The following GMFB variants were observed in gnomAD, a reference collection of about 807,000 sequenced individuals.
The protein encoded by GMFB is GMF-beta.
GMFB carries 13 observed loss-of-function variants against 25.6 expected under a neutral mutation model. That is an observed-to-expected ratio of 0.51 (90% CI 0.33 to 0.81). GMFB has a LOEUF of 0.81. Ranked by LOEUF, GMFB falls within the 30% of genes least tolerant of loss-of-function variation. The pLI is 0.02. For missense variants in GMFB, 146 were observed against 175.4 expected (o/e 0.83, Z 0.95); for synonymous variants, 57 against 56.9 (o/e 1.00, Z 0.00).
chr14:54,474,633 G>C lies in GMFB; in HGVS notation c.*3455C>G, dbSNP rs577989901. On this transcript the variant is annotated 3_prime_UTR_variant, in exon 7 of 7. Transcript: ENST00000358056. ...TTGTTGGTTTTGTTAAACGATGACA[G>C]AGAACTGTTAAAATTCACAAGACTA... is the stretch of plus-strand genomic sequence containing the variant. 1 of 152,772 alleles carries C rather than the reference G, an allele frequency of 6.5e-6. No homozygotes were observed. Among genetic ancestry groups the C allele is most frequent in the South Asian group, 2.1e-4 (1 of 4,832 alleles). 9.5% of individuals were successfully genotyped at this position (152,772 alleles called of 1,614,324 possible). A position where few individuals can be genotyped will look rare whatever the true frequency, so the allele number is the denominator to read the frequency against.
rs1336399791 is a variant in GMFB at position 54,476,063 on chromosome 14, C to T, written c.*2025G>A. On this transcript the variant is annotated 3_prime_UTR_variant, in exon 7 of 7. Transcript: ENST00000358056. Reference sequence around the variant, plus strand: ...GGACAGATGGAATAAAAATGTCCTACTGATCCTCTAACCTCAATCTGTTGT... The same window carrying T: ...GGACAGATGGAATAAAAATGTCCTATTGATCCTCTAACCTCAATCTGTTGT... 6.6e-6 allele frequency: 1 copy of T among 152,040 alleles called. No homozygotes were observed. Among genetic ancestry groups the T allele is most frequent in the East Asian group, 1.9e-4 (1 of 5,204 alleles). The allele number at this position is 152,040 out of a possible 1,614,324, so 9.4% of individuals were successfully genotyped here. A position where few individuals can be genotyped will look rare whatever the true frequency, so the allele number is the denominator to read the frequency against.
rs552193369 is a variant in GMFB, at chr14:54,488,704, C to G, written c.3+221G>C. On this transcript the variant is annotated intron_variant, in intron 1 of 6. Transcript: ENST00000358056. ...CACCCTAGTCCCATGGCCCGCTGGG[C>G]GGGTCCACCCCGGGCCCAGCTGGAA... The G allele has an allele frequency of 1.4e-5, 7 of 488,924 alleles. No homozygotes were observed. The South Asian group carries it at 1.9e-4, about 13-fold the overall frequency. The allele number at this position is 488,924 out of a possible 1,614,324, so 30.3% of individuals were successfully genotyped here. A position where few individuals can be genotyped will look rare whatever the true frequency, so the allele number is the denominator to read the frequency against.
In GMFB at chr14:54,475,756, A is replaced by C. The variant is rs1375895663; in HGVS notation, c.*2332T>G. The C allele has an allele frequency of 1.3e-5, 2 of 152,518 alleles. No homozygotes were observed. Among genetic ancestry groups the C allele is most frequent in the Admixed American group, 1.3e-4 (2 of 15,274 alleles). The allele number at this position is 152,518 out of a possible 1,614,324, so 9.4% of individuals were successfully genotyped here. ...TGCAGGGCCAAAAATTTCAAAACTA[A>C]CACTGACTTAGAAGACCACGAAGGA... is the stretch of plus-strand genomic sequence containing the variant. On this transcript the variant is annotated 3_prime_UTR_variant, in exon 7 of 7. Transcript: ENST00000358056.
intron 1 of GMFB, among the ~76,000 whole-genome samples, chr14:54,488,262 C>T (rs977290030): frequency 6.6e-6 from 1 of 152,132 alleles, no homozygotes; most frequent in Non-Finnish European, 1.5e-5. Context: ...GGGGTCCATC[C>T]CATGTAAGAA....
rs375796629 is a variant in GMFB, at chr14:54,477,929, T to G, written c.*159A>C. 6.4e-6 allele frequency: 3 copies of G among 471,252 alleles called. No homozygotes were observed. Among genetic ancestry groups the G allele is most frequent in the South Asian group, 8.6e-5 (2 of 23,202 alleles). 29.2% of individuals were successfully genotyped at this position (471,252 alleles called of 1,614,324 possible). On this transcript the variant is annotated 3_prime_UTR_variant, in exon 7 of 7. Coordinates refer to ENST00000358056, the MANE Select transcript of GMFB (RefSeq NM_004124.3). ...AAAGTTTCATTACTATGAAGATGATTTCCTCTTTGTTCAAATTTTGCACAA... is the reference window on the plus strand; with the variant it reads ...AAAGTTTCATTACTATGAAGATGATGTCCTCTTTGTTCAAATTTTGCACAA...
chr14:54,485,453 T>A (rs1385166837), intron 1 of GMFB, among the ~76,000 whole-genome samples: 1 of 152,008 alleles, frequency 6.6e-6, no homozygotes, highest in Admixed American at 6.6e-5. Flanking sequence ...TAGGAATAAA[T>A]TTAACCAAAG....
chr14:54,475,593 CTCAGACAT>C lies in GMFB; in HGVS notation c.*2487_*2494del, dbSNP rs2031628388. ...AGAACAAAGTGATCACTATTCAAAA[CTCAGACAT>C]TTTGGAATTTCAGCATAGTAACCTG... is the stretch of plus-strand genomic sequence containing the variant. On this transcript the variant is annotated 3_prime_UTR_variant, in exon 7 of 7. Transcript: ENST00000358056. 6.6e-6 allele frequency: 1 copy of C among 152,492 alleles called. No homozygotes were observed. The highest frequency in any genetic ancestry group is 1.5e-5 in the Non-Finnish European group (1 of 67,958). 9.4% of individuals were successfully genotyped at this position (152,492 alleles called of 1,614,324 possible).
At position 54,477,994 on chromosome 14, in the gene GMFB, T is replaced by C. The variant is rs1307946454; in HGVS notation, c.*94A>G. The C allele has an allele frequency of 3.5e-5, 21 of 599,816 alleles. No homozygotes were observed. In the South Asian group the frequency reaches 4.9e-4, roughly 14 times the overall value. The allele number at this position is 599,816 out of a possible 1,614,324, so 37.2% of individuals were successfully genotyped here. A position where few individuals can be genotyped will look rare whatever the true frequency, so the allele number is the denominator to read the frequency against. On this transcript the variant is annotated 3_prime_UTR_variant, in exon 7 of 7. Coordinates refer to ENST00000358056, the MANE Select transcript of GMFB (RefSeq NM_004124.3). ...TTTACTGCAGGAAACAAACTGTAAG[T>C]AACAGTGCATTTTTAGGCATAAATA...
At chr14:54,483,630 AT>A in intron 2 of GMFB, 40 bp downstream of exon 2, 2 of 1,011,078 alleles carry the variant, frequency 2.0e-6, no homozygotes, top group Non-Finnish European at 3.1e-6. Context: ...TTAAAAACAA[AT>A]TAAGACCATG....
intron 1 of GMFB, among the ~76,000 whole-genome samples, chr14:54,484,739 C>A (rs539316889): frequency 7.9e-5 from 12 of 152,070 alleles, no homozygotes; most frequent in African/African-American, 2.9e-4. Flanking sequence ...CAAAAAAAAA[C>A]TATAGGTCAA....
chr14:54,478,210 G>C, intron 6 of GMFB, 51 bp from the exon 7 acceptor site: 2 of 618,116 alleles, frequency 3.2e-6, no homozygotes, highest in Non-Finnish European at 5.3e-6. Context: ...CAAAAAAAAA[G>C]TCAAATATTT....
chr14:54,486,912 C>CA (rs770877378), intron 1 of GMFB, among the ~76,000 whole-genome samples: 29 of 149,308 alleles, frequency 1.9e-4, no homozygotes, highest in South Asian at 4.2e-4. Context: ...TGTGAGTAAG[C>CA]AAAAAAAAGG....
intron 1 of GMFB, among the ~76,000 whole-genome samples, chr14:54,484,220 GA>G (rs901927178): frequency 1.1e-4 from 16 of 150,458 alleles, no homozygotes; most frequent in South Asian, 2.1e-4. Context: ...AATTACAGGG[GA>G]AAAAAAATAT....
At position 54,476,827 on chromosome 14, in the gene GMFB, A is replaced by G. The variant is rs186079674; in HGVS notation, c.*1261T>C. On this transcript the variant is annotated 3_prime_UTR_variant, in exon 7 of 7. Transcript: ENST00000358056. ...GTTAGTTTTTAGAGTCTCTAGACCT[A>G]TTATCAAATTAATGTTCAATGGTTA... 1 of 152,168 alleles carries G rather than the reference A, an allele frequency of 6.6e-6. No homozygotes were observed. The highest frequency in any genetic ancestry group is 2.4e-5 in the African/African-American group (1 of 41,562). 9.4% of individuals were successfully genotyped at this position (152,168 alleles called of 1,614,324 possible). A position where few individuals can be genotyped will look rare whatever the true frequency, so the allele number is the denominator to read the frequency against.
intron 1 of GMFB, chr14:54,484,157 C>A: frequency 4.3e-6 from 1 of 233,056 alleles, no homozygotes; most frequent in South Asian, 4.9e-5. Flanking sequence ...GAAGGAAGAA[C>A]AAGAAAATAA....
rs769617604 is a variant in GMFB, at chr14:54,481,398, G to A, written c.200+11C>T. On this transcript the variant is annotated intron_variant, in intron 4 of 6. Transcript: ENST00000358056. ...GAAAATAAATCTTTTAAAGCACTAA[G>A]AAAAGGATATCGAGGTTGTCGTTCA... 1.9e-6 allele frequency: 3 copies of A among 1,571,272 alleles called. No individual in the cohort carries two copies. The South Asian group carries it at 3.3e-5, about 17-fold the overall frequency.
At chr14:54,481,207 A>T in intron 4 of GMFB, 2 of 582,464 alleles carry the variant, frequency 3.4e-6, no homozygotes, top group South Asian at 4.7e-5. Flanking sequence ...GTTATAATAA[A>T]GGAAATAGTT....
intron 3 of GMFB, among the ~76,000 whole-genome samples, chr14:54,481,664 C>T (rs905941377): frequency 1.3e-5 from 2 of 152,068 alleles, no homozygotes; most frequent in African/African-American, 4.8e-5. Flanking sequence ...GGTTTCATTC[C>T]ATTTATTAAG....
At position 54,475,520 on chromosome 14, in the gene GMFB, AC is replaced by A. The variant is rs2031627085; in HGVS notation, c.*2567del. ...TTTGAACATTTTAGAAGTCAATTAA[AC>A]AAAAACAGTCAACCAACTTTTTTCC... On this transcript the variant is annotated 3_prime_UTR_variant, in exon 7 of 7. Transcript: ENST00000358056. 1 of 152,602 alleles carries A rather than the reference AC, an allele frequency of 6.6e-6. No homozygotes were observed. The highest frequency in any genetic ancestry group is 2.4e-5 in the African/African-American group (1 of 41,470). The allele number at this position is 152,602 out of a possible 1,614,324, so 9.5% of individuals were successfully genotyped here.
Sources: gnomAD v4.1 joint callset for allele counts (sites outside exome capture counted in the v4.1 genomes callset) on GRCh38, gnomAD v4.1.1 for gene constraint, MANE v1.5 for transcripts, NCBI Gene and HGNC (gene_info 2026-07-23, HGNC 2026-07-21) for gene names.